The following KCNMB2 variants were observed in gnomAD, a reference collection of about 807,000 sequenced individuals.
KCNMB2 encodes calcium-activated potassium channel subunit beta-2.
In KCNMB2, 9 loss-of-function variants were observed where a neutral mutation model predicts 24.5. The ratio of observed to expected loss-of-function variants is 0.37; its 90% CI spans 0.22 to 0.64. KCNMB2 has a LOEUF of 0.64. Among genes scored for constraint, KCNMB2 ranks in the 30% least tolerant of loss-of-function variants. The pLI is 0.63. For missense variants in KCNMB2, 226 were observed against 284.3 expected (o/e 0.79, Z 1.47); for synonymous variants, 109 against 104.4 (o/e 1.04, Z -0.27).
intron 1 of KCNMB2, among the ~76,000 whole-genome samples, chr3:178,659,076 G>A (rs148772944): frequency 1.4e-4 from 22 of 152,322 alleles, no homozygotes; most frequent in African/African-American, 5.3e-4. Flanking sequence ...TCTGGCTAAA[G>A]GAGCTTTCGC....
chr3:178,835,411 T>G (rs1216554463), intron 4 of KCNMB2, among the ~76,000 whole-genome samples: 1 of 152,058 alleles, frequency 6.6e-6, no homozygotes, highest in African/African-American at 2.4e-5. Flanking sequence ...TCAAAAGGAG[T>G]GGGAAGAAAT....
intron 1 of KCNMB2, among the ~76,000 whole-genome samples, chr3:178,761,206 A>G (rs1315827401): frequency 6.6e-6 from 1 of 152,190 alleles, no homozygotes; most frequent in Non-Finnish European, 1.5e-5. Flanking sequence ...AATGAATCAT[A>G]GTGAGTGACA....
chr3:178,604,183 A>G (rs1169010373), intron 1 of KCNMB2, among the ~76,000 whole-genome samples: 4 of 152,160 alleles, frequency 2.6e-5, no homozygotes, highest in Non-Finnish European at 5.9e-5. Context: ...GTTCCTTGCT[A>G]AATAAGCACT....
At chr3:178,821,538 C>T (rs1267282467) in intron 2 of KCNMB2, among the ~76,000 whole-genome samples, 1 of 152,134 alleles carries the variant, frequency 6.6e-6, no homozygotes, top group East Asian at 1.9e-4. Context: ...AGAGGTGGCC[C>T]TCTGACTGGC....
chr3:178,681,057 G>A (rs925927117), intron 1 of KCNMB2, among the ~76,000 whole-genome samples: 13 of 152,176 alleles, frequency 8.5e-5, no homozygotes, highest in African/African-American at 2.4e-5. Context: ...GAGCTTGCTA[G>A]AGCAGTGATT....
At chr3:178,564,823 C>T (rs1716460041) in intron 1 of KCNMB2, among the ~76,000 whole-genome samples, 1 of 152,096 alleles carries the variant, frequency 6.6e-6, no homozygotes, top group South Asian at 2.1e-4. Flanking sequence ...ATTTATTCCT[C>T]AGAAATACTT....
At chr3:178,640,123 T>C (rs758717278) in intron 1 of KCNMB2, among the ~76,000 whole-genome samples, 5 of 152,188 alleles carry the variant, frequency 3.3e-5, no homozygotes, top group Admixed American at 6.5e-5. Flanking sequence ...GGACTTTATA[T>C]ATCATGACTT....
chr3:178,688,623 T>C (rs531477928), intron 1 of KCNMB2, among the ~76,000 whole-genome samples: 1 of 152,272 alleles, frequency 6.6e-6, no homozygotes, highest in Admixed American at 6.5e-5. Context: ...CAATCTGCAA[T>C]TTCAGGAAAA....
At chr3:178,573,672 A>T (rs1716888584) in intron 1 of KCNMB2, among the ~76,000 whole-genome samples, 1 of 146,992 alleles carries the variant, frequency 6.8e-6, no homozygotes, top group South Asian at 2.2e-4. Flanking sequence ...GTTTGAGCCC[A>T]GAAGGTCAAA....
Position 178,844,293 on chromosome 3 carries a change from T to C in KCNMB2, c.*1356T>C, listed in dbSNP as rs1715529864. ...TTTTACAAATCATTTGTGGAATGAATGGTAAAACTAATCTGATGAAATGGA... is the reference window on the plus strand; with the variant it reads ...TTTTACAAATCATTTGTGGAATGAACGGTAAAACTAATCTGATGAAATGGA... On this transcript the variant is annotated 3_prime_UTR_variant, in exon 5 of 5. Coordinates refer to ENST00000452583, the MANE Select transcript of KCNMB2 (RefSeq NM_181361.3). The C allele has an allele frequency of 6.6e-6, 1 of 152,542 alleles. No individual in the cohort carries two copies. The highest frequency in any genetic ancestry group is 2.4e-5 in the African/African-American group (1 of 41,462). 9.4% of individuals were successfully genotyped at this position (152,542 alleles called of 1,614,324 possible). A position where few individuals can be genotyped will look rare whatever the true frequency, so the allele number is the denominator to read the frequency against.
chr3:178,590,334 C>G (rs915767467), intron 1 of KCNMB2, among the ~76,000 whole-genome samples: 2 of 152,006 alleles, frequency 1.3e-5, no homozygotes. Flanking sequence ...CACACTATTC[C>G]TCTCAAAAAT....
intron 1 of KCNMB2, among the ~76,000 whole-genome samples, chr3:178,704,573 A>G (rs995562384): frequency 6.6e-6 from 1 of 152,180 alleles, no homozygotes; most frequent in African/African-American, 2.4e-5. Context: ...CATTGCAAAA[A>G]AAAATTTTCT....
rs138092520 is a variant in KCNMB2, at chr3:178,807,326, T to C, written c.-67-17T>C. Reference sequence around the variant, plus strand: ...GAGCTATTTGTTGCTGTTAACTTCATTGTGTACCTCTTCTAGGTCTTTTTG... The same window carrying C: ...GAGCTATTTGTTGCTGTTAACTTCACTGTGTACCTCTTCTAGGTCTTTTTG... On this transcript the variant is annotated splice_polypyrimidine_tract_variant and intron_variant, in intron 1 of 4. Transcript: ENST00000452583. 110 of 1,107,752 alleles carry C rather than the reference T, an allele frequency of 9.9e-5. No individual in the cohort carries two copies. The African/African-American group carries it at 1.5e-3, about 15-fold the overall frequency. The allele number at this position is 1,107,752 out of a possible 1,614,324, so 68.6% of individuals were successfully genotyped here. A position where few individuals can be genotyped will look rare whatever the true frequency, so the allele number is the denominator to read the frequency against.
At chr3:178,550,783 TAAA>T (rs1715925831) in intron 1 of KCNMB2, among the ~76,000 whole-genome samples, 1 of 152,136 alleles carries the variant, frequency 6.6e-6, no homozygotes. Context: ...TCCTCCTCTG[TAAA>T]ATGGGATCTG....
In KCNMB2 at chr3:178,828,316, T is replaced by C; in HGVS notation, c.366T>C (p.Ser122=). Residue 122 remains serine, a synonymous_variant, in exon 4 of 5, where the codon TCT becomes TCC. Coordinates refer to ENST00000452583, the MANE Select transcript of KCNMB2 (RefSeq NM_181361.3). ...PCLQVYVNLT[S]SGEKLLLYHT... is the part of the protein sequence containing the mutation. ...TCCAGGTGTACGTTAACCTGACTTCTTCCGGGGAAAAGCTCCTCCTCTACC... is the reference window on the plus strand; with the variant it reads ...TCCAGGTGTACGTTAACCTGACTTCCTCCGGGGAAAAGCTCCTCCTCTACC... 1 of 1,614,062 alleles carries C rather than the reference T, an allele frequency of 6.2e-7. No individual in the cohort carries two copies. The highest frequency in any genetic ancestry group is 8.5e-7 in the Non-Finnish European group (1 of 1,179,960).
chr3:178,703,710 T>C (rs1484379990), intron 1 of KCNMB2, among the ~76,000 whole-genome samples: 20 of 152,208 alleles, frequency 1.3e-4, no homozygotes, highest in Admixed American at 1.3e-3. Flanking sequence ...GTATGAACAT[T>C]CTCCACAGGC....
At chr3:178,755,636 G>T (rs945016394) in intron 1 of KCNMB2, among the ~76,000 whole-genome samples, 1 of 152,108 alleles carries the variant, frequency 6.6e-6, no homozygotes, top group African/African-American at 2.4e-5. Context: ...TTATGTGGAT[G>T]GCAAATTTTT....
intron 1 of KCNMB2, among the ~76,000 whole-genome samples, chr3:178,628,916 C>T (rs757455157): frequency 5.3e-5 from 8 of 152,106 alleles, no homozygotes; most frequent in Admixed American, 1.3e-4. Context: ...CCCAAGAGCA[C>T]GAACTACTTT....
intron 1 of KCNMB2, among the ~76,000 whole-genome samples, chr3:178,692,834 T>C (rs1222683199): frequency 6.6e-6 from 1 of 152,228 alleles, no homozygotes; most frequent in African/African-American, 2.4e-5. Flanking sequence ...ATAAATTGCT[T>C]TGGGCACTAT....
Sources: gnomAD v4.1 joint callset for allele counts (sites outside exome capture counted in the v4.1 genomes callset) on GRCh38, gnomAD v4.1.1 for gene constraint, MANE v1.5 for transcripts, NCBI Gene and HGNC (gene_info 2026-07-23, HGNC 2026-07-21) for gene names.